The following ABCD2 variants were observed in gnomAD, a reference collection of about 807,000 sequenced individuals.
ABCD2 encodes the protein ATP binding cassette subfamily D member 2, also known as ATP-binding cassette sub-family D member 2.
In ABCD2, 36 loss-of-function variants were observed where a neutral mutation model predicts 70.9. The ratio of observed to expected loss-of-function variants is 0.51; its 90% CI spans 0.39 to 0.67. ABCD2 has a LOEUF of 0.67. Among genes scored for constraint, ABCD2 ranks in the 30% least tolerant of loss-of-function variants. The pLI is 0.00. For missense variants in ABCD2, 729 were observed against 890.2 expected (o/e 0.82, Z 2.30); for synonymous variants, 304 against 306.9 (o/e 0.99, Z 0.10).
chr12:39,531,878 T>C, the ABCD2 span, among the ~76,000 whole-genome samples: 1 of 152,254 alleles, frequency 6.6e-6, no homozygotes, highest in Non-Finnish European at 1.5e-5. Flanking sequence ...GGCGCCTGGA[T>C]TGAAAAATCG....
chr12:39,534,799 AAAGAAAG>A, the ABCD2 span, among the ~76,000 whole-genome samples: 1 of 136,414 alleles, frequency 7.3e-6, no homozygotes, highest in Non-Finnish European at 1.6e-5. Flanking sequence ...AGAAAGAAAG[AAAGAAAG>A]AAAAGAAAGG....
rs1437304619 is a variant in ABCD2 at position 39,613,202 on chromosome 12, C to T, written c.1120+3786G>A. Among the ~76,000 whole-genome samples the T allele has an allele frequency of 3.2e-5, 3 of 94,682 alleles. 1 individual carries two copies. The highest frequency in any genetic ancestry group is 6.0e-5 in the Non-Finnish European group (3 of 49,764). The allele number at this position is 94,682 out of a possible 152,430, so 62.1% of individuals were successfully genotyped here. ...GAGATCGAGACCATCCCGGCTAAAA[C>T]GGTGAAACCCCGTCTCTACTAAAAA... On this transcript the variant is annotated intron_variant, in intron 2 of 9. Transcript: ENST00000308666.
At chr12:39,600,128 G>T (rs780401520) in intron 6 of ABCD2, among the ~76,000 whole-genome samples, 2 of 152,112 alleles carry the variant, frequency 1.3e-5, no homozygotes, top group Non-Finnish European at 2.9e-5. Context: ...TAATCATATA[G>T]CATAATTGTA....
intron 9 of ABCD2, among the ~76,000 whole-genome samples, chr12:39,564,533 T>G (rs1005971029): frequency 6.6e-6 from 1 of 152,226 alleles, no homozygotes; most frequent in Non-Finnish European, 1.5e-5. Context: ...ATATTAGCCA[T>G]TTGTCAGATG....
chr12:39,561,966 G>T (rs973820015), intron 9 of ABCD2, among the ~76,000 whole-genome samples: 1 of 152,132 alleles, frequency 6.6e-6, no homozygotes, highest in Non-Finnish European at 1.5e-5. Flanking sequence ...AAAAATTTAA[G>T]AAGATTGAAA....
chr12:39,561,745 G>T (rs1042455722), intron 9 of ABCD2, among the ~76,000 whole-genome samples: 10 of 152,020 alleles, frequency 6.6e-5, no homozygotes, highest in Non-Finnish European at 1.5e-4. Context: ...AATACGAGTA[G>T]GAGACTTCAA....
intron 6 of ABCD2, among the ~76,000 whole-genome samples, chr12:39,599,294 A>G (rs1191816050): frequency 6.6e-6 from 1 of 152,216 alleles, no homozygotes; most frequent in African/African-American, 2.4e-5. Flanking sequence ...TTGCATCAAG[A>G]GAATAGAATT....
chr12:39,544,478 CT>C, the ABCD2 span, among the ~76,000 whole-genome samples: 1 of 152,144 alleles, frequency 6.6e-6, no homozygotes, highest in African/African-American at 2.4e-5. Context: ...CTGTTACTGT[CT>C]TTGTGTAAAG....
At chr12:39,535,505 A>G in the ABCD2 span, among the ~76,000 whole-genome samples, 2 of 152,242 alleles carry the variant, frequency 1.3e-5, no homozygotes, top group Non-Finnish European at 2.9e-5. Flanking sequence ...CACTTCAAAT[A>G]AAGTCCAAAT....
intron 9 of ABCD2, among the ~76,000 whole-genome samples, chr12:39,558,509 A>C (rs1941203854): frequency 6.6e-6 from 1 of 152,232 alleles, no homozygotes; most frequent in Admixed American, 6.5e-5. Context: ...TGTCAAGGGA[A>C]AGACCAGGTG....
At chr12:39,535,945 C>G in the ABCD2 span, among the ~76,000 whole-genome samples, 3 of 152,156 alleles carry the variant, frequency 2.0e-5, no homozygotes, top group African/African-American at 7.2e-5. Context: ...CAGTTTGAGA[C>G]CAGCCTGGCC....
intron 9 of ABCD2, among the ~76,000 whole-genome samples, chr12:39,559,437 T>G (rs2120540704): frequency 6.7e-6 from 1 of 148,556 alleles, no homozygotes. Flanking sequence ...AAGAAGGAGT[T>G]AAGAAAGATA....
Position 39,619,489 on chromosome 12 carries a change from G to A in ABCD2, c.127C>T (p.Arg43Cys). Residue 43 changes from arginine to cysteine, a missense_variant, in exon 1 of 10, where the codon CGT becomes TGT. This residue lies in a region of ABCD2 where 245 missense variants were observed against 261.2 expected (regional missense o/e 0.94). Transcript: ENST00000308666. ...TTCCCGTGGCCAGATTGCTTTAAACGCTTGCCAATGATGGGATAGAGGGTT... is the reference window on the plus strand; with the variant it reads ...TTCCCGTGGCCAGATTGCTTTAAACACTTGCCAATGATGGGATAGAGGGTT... Reference protein sequence around the residue: ...LKTLYPIIGKRLKQSGHGKKK... With the variant: ...LKTLYPIIGKCLKQSGHGKKK... 6.2e-7 allele frequency: 1 copy of A among 1,613,250 alleles called. No individual in the cohort carries two copies. Among genetic ancestry groups the A allele is most frequent in the Non-Finnish European group, 8.5e-7 (1 of 1,179,994 alleles).
At chr12:39,600,165 T>C (rs907938144) in intron 6 of ABCD2, among the ~76,000 whole-genome samples, 4 of 152,146 alleles carry the variant, frequency 2.6e-5, no homozygotes, top group African/African-American at 7.2e-5. Context: ...TCCTCAAATA[T>C]AAATGAACAA....
chr12:39,573,690 C>T lies in ABCD2; in HGVS notation c.2003+26G>A, dbSNP rs1180496211. 2.5e-6 allele frequency: 4 copies of T among 1,578,864 alleles called. No individual in the cohort carries two copies. In the African/African-American group the frequency reaches 4.1e-5, roughly 16 times the overall value. ...AGAAATTTAAGGAAAAACCATCTACCACAAATTAGCACTAGAAACACTTAC... is the reference window on the plus strand; with the variant it reads ...AGAAATTTAAGGAAAAACCATCTACTACAAATTAGCACTAGAAACACTTAC... On this transcript the variant is annotated intron_variant, in intron 9 of 9. Coordinates refer to ENST00000308666, the MANE Select transcript of ABCD2 (RefSeq NM_005164.4).
intron 5 of ABCD2, among the ~76,000 whole-genome samples, chr12:39,602,661 C>T (rs1030154049): frequency 6.6e-6 from 1 of 151,996 alleles, no homozygotes; most frequent in Admixed American, 6.6e-5. Context: ...CAACTTCAGA[C>T]CTTCTAAGAT....
chr12:39,614,462 C>T (rs915095543), intron 2 of ABCD2, among the ~76,000 whole-genome samples: 3 of 152,108 alleles, frequency 2.0e-5, no homozygotes, highest in Admixed American at 6.6e-5. Flanking sequence ...TGAACAGCAG[C>T]CTTCTTTTTT....
chr12:39,571,011 A>C (rs1482058819), intron 9 of ABCD2, among the ~76,000 whole-genome samples: 2 of 139,342 alleles, frequency 1.4e-5, no homozygotes, highest in African/African-American at 2.9e-5. Context: ...AACAACACTA[A>C]TCATTAGGTA....
intron 9 of ABCD2, among the ~76,000 whole-genome samples, chr12:39,569,924 G>A (rs927003834): frequency 6.6e-6 from 1 of 151,870 alleles, no homozygotes; most frequent in African/African-American, 2.4e-5. Context: ...AAAATCAGTA[G>A]CATTTCTCTA....
Sources: allele counts gnomAD v4.1 joint callset (sites outside exome capture counted in the v4.1 genomes callset), GRCh38; gene constraint gnomAD v4.1.1; regional missense constraint gnomAD v4.1.1; transcripts MANE v1.5; gene names NCBI Gene and HGNC (gene_info 2026-07-23, HGNC 2026-07-21).